The following FAM24B variants were observed in gnomAD, a reference collection of about 807,000 sequenced individuals.
The protein encoded by FAM24B is protein FAM24B.
FAM24B carries 3 observed loss-of-function variants against 2.3 expected under a neutral mutation model. That is an observed-to-expected ratio of 1.29 (90% CI 0.59 to 3.32). The LOEUF is 3.32. FAM24B is among the 30% of genes most tolerant of loss of function. The probability of loss-of-function intolerance (pLI) is 0.03; values close to 1 mark genes in which losing one functional copy is unlikely to be tolerated. For synonymous variants in FAM24B, 36 were observed against 46.3 expected, an observed-to-expected ratio of 0.78 and a Z score of 0.90; for missense variants, 98 against 117.2, an observed-to-expected ratio of 0.84 and a Z score of 0.76.
rs139313059 is a variant in FAM24B at position 122,850,430 on chromosome 10, G to T, written c.86C>A (p.Ala29Glu). Residue 29 changes from alanine (A) to glutamate (E), a missense_variant, in exon 3 of 4, where the codon GCG becomes GAG. Physicochemically the swap from Ala to Glu is moderately radical, Grantham distance 107. Coordinates refer to ENST00000368898, the MANE Select transcript of FAM24B (RefSeq NM_152644.3). Reference protein sequence around the residue: ...VLCLYFKIHNALKAAKEPEAV... With the variant: ...VLCLYFKIHNELKAAKEPEAV... ...TTTTGAACTTGTGACTCACTTTAGC[G>T]CGTTGTGTATTTTGAAGTAAAGACA... 1 of 1,613,304 alleles carries T rather than the reference G, an allele frequency of 6.2e-7. No homozygotes were observed. The highest frequency in any genetic ancestry group is 1.3e-5 in the African/African-American group (1 of 74,974).
intron 1 of FAM24B, among the ~76,000 whole-genome samples, chr10:122,878,938 A>C (rs1181243514): frequency 1.3e-5 from 2 of 152,144 alleles, no homozygotes; most frequent in African/African-American, 4.8e-5. Context: ...AGACTGTCCA[A>C]TTATGATGAC....
intron 1 of FAM24B, among the ~76,000 whole-genome samples, chr10:122,876,926 T>C (rs942368113): frequency 6.6e-6 from 1 of 152,308 alleles, no homozygotes; most frequent in African/African-American, 2.4e-5. Context: ...GGGACTAAAG[T>C]GTTTGATTGC....
chr10:122,864,588 G>A (rs1467587795), intron 1 of FAM24B, among the ~76,000 whole-genome samples: 6 of 152,132 alleles, frequency 3.9e-5, no homozygotes, highest in Non-Finnish European at 4.4e-5. Flanking sequence ...ACTAAGTTCG[G>A]TAATTTATAT....
At position 122,849,453 on chromosome 10, in the gene FAM24B, AC is replaced by A. The variant is rs963450091; in HGVS notation, c.93-15del. The A allele has an allele frequency of 6.2e-7, 1 of 1,600,466 alleles. No individual in the cohort carries two copies. The highest frequency in any genetic ancestry group is 8.5e-7 in the Non-Finnish European group (1 of 1,172,990). Reference sequence around the variant, plus strand: ...TCCTTTGCAGCTCTTGAGAAAAGACACACACAAAGCACAGGCTTAGAATTTT... The same window carrying A: ...TCCTTTGCAGCTCTTGAGAAAAGACAACACAAAGCACAGGCTTAGAATTTT... On this transcript the variant is annotated splice_polypyrimidine_tract_variant and intron_variant, in intron 3 of 3. Transcript: ENST00000368898.
At chr10:122,862,850 G>C (rs1589672423) in intron 1 of FAM24B, among the ~76,000 whole-genome samples, 2 of 152,076 alleles carry the variant, frequency 1.3e-5, no homozygotes, top group South Asian at 2.1e-4. Context: ...ATTGCTGATG[G>C]TATTTAGCTA....
At chr10:122,867,361 G>T (rs1368468223) in intron 1 of FAM24B, among the ~76,000 whole-genome samples, 2 of 152,208 alleles carry the variant, frequency 1.3e-5, no homozygotes, top group African/African-American at 4.8e-5. Flanking sequence ...CTCCACCTCT[G>T]GGGGCAGGGC....
At chr10:122,853,843 A>C (rs1589668630) in intron 2 of FAM24B, among the ~76,000 whole-genome samples, 1 of 152,304 alleles carries the variant, frequency 6.6e-6, no homozygotes, top group African/African-American at 2.4e-5. Flanking sequence ...ATCATTAAGG[A>C]GCTAGGCCCT....
At position 122,849,300 on chromosome 10, in the gene FAM24B, C is replaced by A; in HGVS notation, c.232G>T (p.Ala78Ser). 1 of 1,595,232 alleles carries A rather than the reference C, an allele frequency of 6.3e-7. No individual in the cohort carries two copies. The highest frequency in any genetic ancestry group is 8.5e-7 in the Non-Finnish European group (1 of 1,169,952). The change falls in exon 4 of 4, where the codon GCC becomes TCC. Residue 78 changes from alanine (A) to serine (S), a missense_variant. Physicochemically the swap from Ala to Ser is moderately conservative, Grantham distance 99 (BLOSUM62 1). Coordinates refer to ENST00000368898, the MANE Select transcript of FAM24B (RefSeq NM_152644.3). The part of the protein sequence containing the change: ...LQCCEGYRMC[A>S]SFDSLPPCCC... ...CAAGGTGGCAGGGAATCAAAACTGGCACACATTCTATATCCTTCACAGCAC... is the reference window on the plus strand; with the variant it reads ...CAAGGTGGCAGGGAATCAAAACTGGAACACATTCTATATCCTTCACAGCAC...
intron 1 of FAM24B, among the ~76,000 whole-genome samples, chr10:122,862,591 G>T (rs1847742416): frequency 6.6e-6 from 1 of 151,990 alleles, no homozygotes; most frequent in African/African-American, 2.4e-5. Context: ...AAAAATAAAT[G>T]AATAAAAGGC....
intron 1 of FAM24B, among the ~76,000 whole-genome samples, chr10:122,862,698 G>A (rs1566256638): frequency 6.6e-6 from 1 of 151,854 alleles, no homozygotes; most frequent in Non-Finnish European, 1.5e-5. Context: ...TTACAAACTG[G>A]GTTTTTTAAC....
intron 1 of FAM24B, among the ~76,000 whole-genome samples, chr10:122,874,815 GT>G (rs199630943): frequency 2.0e-5 from 3 of 151,588 alleles, no homozygotes; most frequent in Admixed American, 6.6e-5. Flanking sequence ...ACAGCATGAG[GT>G]TTTTTTTGCA....
chr10:122,865,838 G>A (rs1566259176), intron 1 of FAM24B, among the ~76,000 whole-genome samples: 1 of 150,534 alleles, frequency 6.6e-6, no homozygotes, highest in South Asian at 2.1e-4. Context: ...TCTAAGTTTG[G>A]GTACATTGTA....
intron 1 of FAM24B, among the ~76,000 whole-genome samples, chr10:122,876,020 A>T (rs1452090799): frequency 6.6e-6 from 1 of 152,276 alleles, no homozygotes; most frequent in African/African-American, 2.4e-5. Flanking sequence ...TTAGCAAGAA[A>T]TAATGCAACC....
intron 3 of FAM24B, among the ~76,000 whole-genome samples, chr10:122,850,026 T>G (rs1847501223): frequency 6.6e-6 from 1 of 152,124 alleles, no homozygotes; most frequent in Non-Finnish European, 1.5e-5. Context: ...GTCCTCCACA[T>G]GAGCACAAGG....
chr10:122,857,297 A>G (rs1847656388), intron 1 of FAM24B, among the ~76,000 whole-genome samples: 1 of 152,230 alleles, frequency 6.6e-6, no homozygotes, highest in Non-Finnish European at 1.5e-5. Flanking sequence ...CTAGGGGATA[A>G]GAATATACAG....
Position 122,849,366 on chromosome 10 carries a change from G to T in FAM24B, c.166C>A (p.Gln56Lys). The T allele has an allele frequency of 6.2e-7, 1 of 1,613,374 alleles. No homozygotes were observed. The highest frequency in any genetic ancestry group is 8.5e-7 in the Non-Finnish European group (1 of 1,179,654). ...GACTCCGTGGCAATGGTTTTGGCCT[G>T]GCTGTTCTTGGCCCACCACACCTTG... ...PDKVWWAKNS[Q>K]AKTIATESCP... is the part of the protein sequence containing the mutation. Residue 56 changes from glutamine to lysine, a missense_variant, in exon 4 of 4, where the codon CAG becomes AAG. Transcript: ENST00000368898.
intron 3 of FAM24B, 116 bp from the exon 4 acceptor site, chr10:122,849,555 C>G: frequency 1.2e-6 from 1 of 856,982 alleles, no homozygotes. Flanking sequence ...AACATGAACA[C>G]CAGCCCTACA....
At chr10:122,863,369 G>A (rs1272696367) in intron 1 of FAM24B, among the ~76,000 whole-genome samples, 1 of 152,170 alleles carries the variant, frequency 6.6e-6, no homozygotes, top group Non-Finnish European at 1.5e-5. Flanking sequence ...GACATATGGA[G>A]GTTAGGAATT....
At chr10:122,876,239 A>G (rs1847975195) in intron 1 of FAM24B, among the ~76,000 whole-genome samples, 1 of 152,122 alleles carries the variant, frequency 6.6e-6, no homozygotes, top group African/African-American at 2.4e-5. Context: ...CTTTCTTCTG[A>G]CAAGAATTGA....
Sources: allele counts gnomAD v4.1 joint callset (sites outside exome capture counted in the v4.1 genomes callset), GRCh38; gene constraint gnomAD v4.1.1; transcripts MANE v1.5; gene names NCBI Gene and HGNC (gene_info 2026-07-23, HGNC 2026-07-21).